The following SLC52A3 variants were observed in gnomAD, a reference collection of about 807,000 sequenced individuals.
SLC52A3 encodes solute carrier family 52 member 3.
A neutral mutation model predicts 29.5 loss-of-function variants in SLC52A3; 20 were observed. The observed-to-expected ratio is 0.68, with a 90% CI of 0.48 to 0.99. The LOEUF is 0.99. Ranked by LOEUF, SLC52A3 falls within the 50% of genes least tolerant of loss-of-function variation. The pLI, the probability that SLC52A3 is intolerant of heterozygous loss-of-function variation, is 0.00. For synonymous variants in SLC52A3, 301 were observed against 271.0 expected (o/e 1.11, Z -1.09); for missense variants, 548 against 612.9 (o/e 0.89, Z 1.12).
rs760967632 is a variant in SLC52A3 at position 760,363 on chromosome 20, T to C, written c.*663A>G. 6.6e-6 allele frequency: 1 copy of C among 152,274 alleles called. No individual in the cohort carries two copies. The highest frequency in any genetic ancestry group is 2.4e-5 in the African/African-American group (1 of 41,402). 9.4% of individuals were successfully genotyped at this position (152,274 alleles called of 1,614,324 possible). A position where few individuals can be genotyped will look rare whatever the true frequency, so the allele number is the denominator to read the frequency against. On this transcript the variant is annotated 3_prime_UTR_variant, in exon 5 of 5. Transcript: ENST00000645534. The surrounding 1 kb of genome is among the most constrained non-coding windows in gnomAD (Gnocchi z 4.9). The stretch of plus-strand genomic sequence containing the variant: ...AGGGGTGTGTGGGGTACTACGTCCC[T>C]CCACACTGAGAATCCGAAAGCCAAG...
rs1216813111 is a variant in SLC52A3 at position 761,214 on chromosome 20, C to A, written c.1222G>T (p.Gly408Cys). 2.6e-6 allele frequency: 4 copies of A among 1,554,880 alleles called. No homozygotes were observed. Among genetic ancestry groups the A allele is most frequent in the African/African-American group, 1.4e-5 (1 of 73,422 alleles). Reference sequence around the variant, plus strand: ...ATCACCTTGACGTAACTGAGGCAGCCGCTGAAAAGCACCCACGAGGCCACC... The same window carrying A: ...ATCACCTTGACGTAACTGAGGCAGCAGCTGAAAAGCACCCACGAGGCCACC... ...LIVASWVLFSGCLSYVKVMLG... is the reference protein window; with the variant it reads ...LIVASWVLFSCCLSYVKVMLG... Residue 408 changes from glycine (G) to cysteine (C), a missense_variant, in exon 5 of 5, where the codon GGC becomes TGC. Coordinates refer to ENST00000645534, the MANE Select transcript of SLC52A3 (RefSeq NM_033409.4).
chr20:764,717 A>G (rs1986618722), intron 2 of SLC52A3, among the ~76,000 whole-genome samples: 1 of 152,242 alleles, frequency 6.6e-6, no homozygotes, highest in African/African-American at 2.4e-5. Flanking sequence ...AAAAGTTGCC[A>G]TTTTGTAAGA....
chr20:775,196 C>T (rs932048787), intron 1 of SLC52A3, among the ~76,000 whole-genome samples: 1 of 151,784 alleles, frequency 6.6e-6, no homozygotes, highest in East Asian at 1.9e-4. Context: ...CAGGCTCCTG[C>T]GGCTTCAGCC....
At chr20:776,541 C>A (rs1987035818), upstream of SLC52A3, among the ~76,000 whole-genome samples, 2 of 152,156 alleles carry the variant, frequency 1.3e-5, no homozygotes, top group Admixed American at 1.3e-4. Context: ...AGTCGAGAGC[C>A]TTGTGTAGGT....
At chr20:778,318 G>T (rs1987124928), upstream of SLC52A3, among the ~76,000 whole-genome samples, 1 of 151,544 alleles carries the variant, frequency 6.6e-6, no homozygotes, top group South Asian at 2.1e-4. Context: ...CTGGCCACCA[G>T]ACAGACTTTT....
chr20:770,936 A>G (rs1457723937), upstream of SLC52A3, among the ~76,000 whole-genome samples: 1 of 152,130 alleles, frequency 6.6e-6, no homozygotes, highest in Non-Finnish European at 1.5e-5. This position sits in a 1 kb window ranked among gnomAD's most constrained non-coding sequence, Gnocchi z 4.5. Flanking sequence ...TCCAGCAACG[A>G]TTTTGTGCTA....
intron 1 of SLC52A3, among the ~76,000 whole-genome samples, chr20:775,217 G>A (rs927839276): frequency 2.0e-5 from 3 of 150,716 alleles, no homozygotes; most frequent in Non-Finnish European, 2.9e-5. Flanking sequence ...TGGTCAAGTT[G>A]TTCCGAGATA....
intron 1 of SLC52A3, among the ~76,000 whole-genome samples, chr20:775,024 G>C (rs946907193): frequency 2.6e-5 from 4 of 152,256 alleles, no homozygotes; most frequent in African/African-American, 9.6e-5. Context: ...CAGGCGCTCA[G>C]CCTGGCCAGT....
At chr20:772,620 T>C (rs185369459), upstream of SLC52A3, among the ~76,000 whole-genome samples, 3 of 152,148 alleles carry the variant, frequency 2.0e-5, no homozygotes. Flanking sequence ...TGTTTGTTTG[T>C]TTATTTTACA....
upstream of SLC52A3, among the ~76,000 whole-genome samples, chr20:771,493 A>G (rs1173301666): frequency 1.3e-5 from 2 of 152,212 alleles, no homozygotes; most frequent in Admixed American, 1.3e-4. Flanking sequence ...TACACATTCC[A>G]GGATATATAT....
rs1178497543 is a variant in SLC52A3 at position 761,117 on chromosome 20, G to T, written c.1319C>A (p.Ser440Ter). The change falls in exon 5 of 5, where the codon TCG becomes TAG. Residue 440 changes from serine (S) to a stop codon, truncating the protein, a stop_gained. Coordinates refer to ENST00000645534, the MANE Select transcript of SLC52A3 (RefSeq NM_033409.4). LOFTEE classifies it high-confidence loss of function. ...GAACATGAGCAGCGCTCCGAGCAGCGAGCCCAGCTGCACCGCCGCCCCGCA... is the reference window on the plus strand; with the variant it reads ...GAACATGAGCAGCGCTCCGAGCAGCTAGCCCAGCTGCACCGCCGCCCCGCA... ...LWCGAAVQLG[S>*]LLGALLMFPL... 2 of 1,601,426 alleles carry T rather than the reference G, an allele frequency of 1.2e-6. No homozygotes were observed. Among genetic ancestry groups the T allele is most frequent in the Admixed American group, 1.7e-5 (1 of 58,728 alleles).
upstream of SLC52A3, chr20:776,099 C>G (rs939001724): frequency 6.6e-6 from 1 of 152,354 alleles, no homozygotes; most frequent in Non-Finnish European, 1.5e-5. Context: ...TACTATGTGT[C>G]TCTGATCTGC....
chr20:773,684 C>T (rs1986917987), intron 1 of SLC52A3, among the ~76,000 whole-genome samples: 1 of 152,194 alleles, frequency 6.6e-6, no homozygotes, highest in South Asian at 2.1e-4. Context: ...GACCAGAAAC[C>T]TAAGGCTTCG....
chr20:778,479 G>A (rs904939142), upstream of SLC52A3, among the ~76,000 whole-genome samples: 21 of 152,060 alleles, frequency 1.4e-4, no homozygotes, highest in African/African-American at 5.1e-4. Context: ...TATTTTGTGG[G>A]ATTTCCACGC....
At chr20:770,404 C>T (rs146020439), upstream of SLC52A3, among the ~76,000 whole-genome samples, 838 of 152,290 alleles carry the variant, frequency 5.5e-3, 10 homozygotes, top group East Asian at 0.019. This position sits in a 1 kb window ranked among gnomAD's most constrained non-coding sequence, Gnocchi z 4.5. Context: ...GTGATCCCCA[C>T]GCCTCAGCCT....
chr20:760,333 C>A lies in SLC52A3; in HGVS notation c.*693G>T. On this transcript the variant is annotated 3_prime_UTR_variant, in exon 5 of 5. Transcript: ENST00000645534. The surrounding 1 kb of genome is among the most constrained non-coding windows in gnomAD (Gnocchi z 4.9). ...GGGCTTTATGGGCCAGGAAGGATGA[C>A]AGGAAGGGGTGTGTGGGGTACTACG... The A allele has an allele frequency of 1.3e-5, 2 of 152,176 alleles. No homozygotes were observed. The highest frequency in any genetic ancestry group is 3.9e-4 in the East Asian group (2 of 5,184). 9.4% of individuals were successfully genotyped at this position (152,176 alleles called of 1,614,324 possible).
At chr20:767,830 T>G (rs949658313) in intron 1 of SLC52A3, among the ~76,000 whole-genome samples, 2 of 152,196 alleles carry the variant, frequency 1.3e-5, no homozygotes, top group African/African-American at 4.8e-5. Context: ...TCCAGAGCCA[T>G]TCTGCCATCT....
At chr20:761,313 G>C in intron 4 of SLC52A3, 75 bp from the exon 5 acceptor site, 1 of 1,419,578 alleles carries the variant, frequency 7.0e-7, no homozygotes, top group Non-Finnish European at 9.5e-7. Context: ...AACTCTCACA[G>C]GGCTCAGGGG....
In SLC52A3 at chr20:765,877, A is replaced by T; in HGVS notation, c.-51-52T>A. 8.6e-7 allele frequency: 1 copy of T among 1,158,548 alleles called. No individual in the cohort carries two copies. The highest frequency in any genetic ancestry group is 1.3e-6 in the Non-Finnish European group (1 of 790,916). 71.8% of individuals were successfully genotyped at this position (1,158,548 alleles called of 1,614,324 possible). On this transcript the variant is annotated intron_variant, in intron 1 of 4. Coordinates refer to ENST00000645534, the MANE Select transcript of SLC52A3 (RefSeq NM_033409.4). The surrounding 1 kb of genome is among the most constrained non-coding windows in gnomAD (Gnocchi z 6.6). Reference sequence around the variant, plus strand: ...AATTCCAGCTTCACCACCTAGCAAGATGCTGGGACCTGGGGCCCAGAGTTT... The same window carrying T: ...AATTCCAGCTTCACCACCTAGCAAGTTGCTGGGACCTGGGGCCCAGAGTTT...
Sources: allele counts gnomAD v4.1 joint callset (sites outside exome capture counted in the v4.1 genomes callset), GRCh38; gene constraint gnomAD v4.1.1; non-coding constraint Gnocchi (gnomAD v3.1); transcripts MANE v1.5; gene names NCBI Gene and HGNC (gene_info 2026-07-23, HGNC 2026-07-21).